Variants in DCC observed in about 807,000 individuals in gnomAD.
The protein encoded by DCC is DCC netrin 1 receptor.
Under a neutral mutation model 172.5 loss-of-function variants are expected in DCC, and 58 were observed. The observed-to-expected ratio is 0.34, with a 90% CI of 0.27 to 0.42. The LOEUF is 0.42. DCC is among the 10% of genes least tolerant of loss of function. The pLI is 1.00. For synonymous variants in DCC, 709 were observed against 644.5 expected (o/e 1.10, Z -1.52); for missense variants, 1,740 against 1,791.0 (o/e 0.97, Z 0.51).
intron 27 of DCC, among the ~76,000 whole-genome samples, chr18:53,502,502 C>A (rs2046114222): frequency 6.6e-6 from 1 of 152,328 alleles, no homozygotes; most frequent in African/African-American, 2.4e-5. Flanking sequence ...ACATTAACTA[C>A]ATGCTTCTTA....
intron 1 of DCC, among the ~76,000 whole-genome samples, chr18:52,693,754 G>A (rs1477632126): frequency 6.6e-6 from 1 of 151,976 alleles, no homozygotes; most frequent in Non-Finnish European, 1.5e-5. Flanking sequence ...AAGGTACCCT[G>A]GAGACAATAT....
intron 19 of DCC, among the ~76,000 whole-genome samples, chr18:53,407,364 A>C (rs971574136): frequency 1.3e-5 from 2 of 151,238 alleles, no homozygotes; most frequent in African/African-American, 4.9e-5. Context: ...TTTTGGGGGG[A>C]ATAAAAAAGT....
At chr18:53,343,584 A>G (rs1483558465) in intron 15 of DCC, among the ~76,000 whole-genome samples, 3 of 151,792 alleles carry the variant, frequency 2.0e-5, no homozygotes, top group African/African-American at 7.2e-5. Flanking sequence ...TTGTGCCTAT[A>G]TTCAGTAGGT....
chr18:53,105,711 G>T (rs148870027), intron 7 of DCC, among the ~76,000 whole-genome samples: 1 of 151,698 alleles, frequency 6.6e-6, no homozygotes, highest in African/African-American at 2.4e-5. Context: ...CCCCTCCCAC[G>T]TGCATATCCC....
chr18:52,608,035 T>C (rs973451255), intron 1 of DCC, among the ~76,000 whole-genome samples: 1 of 152,106 alleles, frequency 6.6e-6, no homozygotes, highest in Non-Finnish European at 1.5e-5. Context: ...GATTTTTTTT[T>C]CCTATATTTT....
intron 21 of DCC, among the ~76,000 whole-genome samples, chr18:53,417,890 T>G (rs1910412348): frequency 6.6e-6 from 1 of 152,186 alleles, no homozygotes. Flanking sequence ...TGTAAATTGA[T>G]TATTTTATGA....
At chr18:53,447,819 A>G (rs1185705763) in intron 22 of DCC, among the ~76,000 whole-genome samples, 1 of 152,164 alleles carries the variant, frequency 6.6e-6, no homozygotes, top group African/African-American at 2.4e-5. Context: ...AAAACTGTGA[A>G]AAAAGGGAGT....
intron 5 of DCC, among the ~76,000 whole-genome samples, chr18:52,999,475 A>G (rs1383938317): frequency 6.6e-6 from 1 of 152,044 alleles, no homozygotes. Flanking sequence ...GCATGGCCAG[A>G]GGAGGCTCAG....
chr18:52,660,723 C>T (rs1276179590), intron 1 of DCC, among the ~76,000 whole-genome samples: 1 of 152,144 alleles, frequency 6.6e-6, no homozygotes, highest in Non-Finnish European at 1.5e-5. Flanking sequence ...CTCCTTTTAC[C>T]ATGAGACAAA....
chr18:52,600,256 GA>G (rs762688799), intron 1 of DCC, among the ~76,000 whole-genome samples: 42 of 152,078 alleles, frequency 2.8e-4, no homozygotes, highest in Non-Finnish European at 4.0e-4. Flanking sequence ...TCTATTTATT[GA>G]AATGACCAGG....
chr18:53,149,281 G>A (rs576922415), intron 7 of DCC, among the ~76,000 whole-genome samples: 19 of 152,208 alleles, frequency 1.2e-4, no homozygotes, highest in East Asian at 3.9e-4. Flanking sequence ...AATAACAGCC[G>A]TTTATTGAAT....
intron 1 of DCC, among the ~76,000 whole-genome samples, chr18:52,366,846 T>C (rs982744098): frequency 1.3e-5 from 2 of 152,202 alleles, no homozygotes; most frequent in Non-Finnish European, 2.9e-5. Flanking sequence ...CTTCACCCAG[T>C]GGATCCCGCA....
At chr18:52,648,598 T>C (rs866946616) in intron 1 of DCC, among the ~76,000 whole-genome samples, 15 of 152,226 alleles carry the variant, frequency 9.9e-5, no homozygotes, top group African/African-American at 3.1e-4. Flanking sequence ...AGACTGTTAG[T>C]GGCTGTGCCA....
rs747096336 is a variant in DCC at position 53,425,357 on chromosome 18, C to CTTTTTTTTTTT, written c.3163+9211_3163+9221dup. Among the ~76,000 whole-genome samples, 231 of 101,636 alleles carry CTTTTTTTTTTT rather than the reference C, an allele frequency of 2.3e-3. 12 individuals carry two copies. Among genetic ancestry groups the CTTTTTTTTTTT allele is most frequent in the Non-Finnish European group, 3.1e-3 (157 of 51,290 alleles). The allele number at this position is 101,636 out of a possible 152,430, so 66.7% of individuals were successfully genotyped here. On this transcript the variant is annotated intron_variant, in intron 21 of 28. Transcript: ENST00000442544. ...CCACAATTTTCCCCGTTTCTCCTCT[C>CTTTTTTTTTTT]TTTTTTTTTTTTTTTTTTTTGAGAC...
chr18:52,971,734 A>G (rs998528996), intron 5 of DCC, among the ~76,000 whole-genome samples: 8 of 152,132 alleles, frequency 5.3e-5, no homozygotes, highest in African/African-American at 1.2e-4. Flanking sequence ...CAGTGATCAC[A>G]TTATTGGATC....
intron 3 of DCC, among the ~76,000 whole-genome samples, chr18:52,923,191 A>T (rs2040150646): frequency 6.6e-6 from 1 of 152,148 alleles, no homozygotes; most frequent in South Asian, 2.1e-4. Context: ...CTTTTCTAAG[A>T]AAGCAGTTAT....
intron 7 of DCC, among the ~76,000 whole-genome samples, chr18:53,124,675 A>G (rs904062005): frequency 3.3e-5 from 5 of 152,062 alleles, no homozygotes; most frequent in Non-Finnish European, 7.4e-5. Context: ...CATTTCCCTT[A>G]GTAACATGAT....
At chr18:52,544,415 C>G (rs1313812950) in intron 1 of DCC, among the ~76,000 whole-genome samples, 1 of 149,660 alleles carries the variant, frequency 6.7e-6, no homozygotes, top group African/African-American at 2.5e-5. Flanking sequence ...CATTTCCTTC[C>G]AGGTAGTTTT....
intron 2 of DCC, among the ~76,000 whole-genome samples, chr18:52,770,123 G>A (rs1027210359): frequency 4.6e-5 from 7 of 152,126 alleles, no homozygotes; most frequent in Admixed American, 2.0e-4. Flanking sequence ...ATAAAGCCCT[G>A]TGGAATCTGG....
Sources: allele counts gnomAD v4.1 joint callset (sites outside exome capture counted in the v4.1 genomes callset), GRCh38; gene constraint gnomAD v4.1.1; transcripts MANE v1.5; gene names NCBI Gene and HGNC (gene_info 2026-07-23, HGNC 2026-07-21).